LAT2: variants seen among roughly 807,000 people sequenced by gnomAD.
LAT2 encodes linker for activation of T-cells family member 2.
In LAT2, 23 loss-of-function variants were observed where a neutral mutation model predicts 43.4. The observed-to-expected ratio is 0.53, with a 90% CI of 0.38 to 0.75. The LOEUF is 0.75. Ranked by LOEUF, LAT2 falls within the 30% of genes least tolerant of loss-of-function variation. The pLI is 0.00. For synonymous variants in LAT2, 128 were observed against 123.2 expected (o/e 1.04, Z -0.26); for missense variants, 284 against 310.2 (o/e 0.92, Z 0.64).
chr7:74,228,165 TAAAAAAAAAA>T (rs34339569), intron 13 of LAT2, among the ~76,000 whole-genome samples: 495 of 22,430 alleles, frequency 0.022, 9 homozygotes, highest in African/African-American at 0.041. Flanking sequence ...AACTACGTCT[TAAAAAAAAAA>T]AAAAAAAAAA....
At chr7:74,223,417 G>C (rs1802364307) in intron 10 of LAT2, among the ~76,000 whole-genome samples, 1 of 152,160 alleles carries the variant, frequency 6.6e-6, no homozygotes, top group African/African-American at 2.4e-5. Context: ...GTTTGAGCCG[G>C]GAGTTGGAGG....
Position 74,214,802 on chromosome 7 carries a change from T to TG in LAT2, c.-218-20_-218-19insG. ...ATATATATATATATATTTTTTTTTT[T>TG]TTTTGTATTTTTTTTGTAGAGATGG... On this transcript the variant is annotated intron_variant, in intron 1 of 13. Coordinates refer to ENST00000460943, the MANE Select transcript of LAT2 (RefSeq NM_032464.3). 1 of 117,880 alleles carries TG rather than the reference T, an allele frequency of 8.5e-6. No individual in the cohort carries two copies. The highest frequency in any genetic ancestry group is 1.6e-5 in the Non-Finnish European group (1 of 60,986). 7.3% of individuals were successfully genotyped at this position (117,880 alleles called of 1,614,324 possible).
At chr7:74,224,851 G>A in intron 13 of LAT2, 91 bp downstream of exon 13, 2 of 966,310 alleles carry the variant, frequency 2.1e-6, no homozygotes, top group South Asian at 1.7e-5. Flanking sequence ...AGCCGAGAGT[G>A]TGGGTGGAGG....
At chr7:74,216,940 A>AC (rs1802068343) in intron 4 of LAT2, 76 bp downstream of exon 4, 5 of 1,295,148 alleles carry the variant, frequency 3.9e-6, no homozygotes, top group Admixed American at 3.4e-5. Context: ...AATTCCTAGC[A>AC]CCCCATCCTT....
intron 3 of LAT2, 82 bp from the exon 4 acceptor site, chr7:74,216,743 G>A (rs1802060793): frequency 8.4e-7 from 1 of 1,194,728 alleles, no homozygotes; most frequent in South Asian, 1.2e-5. Context: ...AGTCCTGCTG[G>A]AGACAAGACA....
chr7:74,211,220 G>T (rs894740084), intron 1 of LAT2, among the ~76,000 whole-genome samples: 1 of 152,172 alleles, frequency 6.6e-6, no homozygotes, highest in Non-Finnish European at 1.5e-5. Flanking sequence ...TCAGAACCTG[G>T]ATGGGAGAGT....
At chr7:74,221,510 C>T (rs1554715254) in intron 9 of LAT2, 127 bp from the exon 10 acceptor site, 9 of 559,524 alleles carry the variant, frequency 1.6e-5, no homozygotes, top group Non-Finnish European at 3.1e-6. Flanking sequence ...GAGATCCTGG[C>T]AGACCCCCAT....
chr7:74,213,781 G>C (rs190413065), intron 1 of LAT2, among the ~76,000 whole-genome samples: 226 of 152,008 alleles, frequency 1.5e-3, no homozygotes, highest in African/African-American at 5.3e-3. Context: ...CCCAGCTGTG[G>C]GATGGGGAGA....
rs1159724401 is a variant in LAT2, at chr7:74,220,368, T to C, written c.265+114T>C. 57 of 1,326,958 alleles carry C rather than the reference T, an allele frequency of 4.3e-5. No individual in the cohort carries two copies. The Admixed American group carries it at 1.1e-3, about 25-fold the overall frequency. 82.2% of individuals were successfully genotyped at this position (1,326,958 alleles called of 1,614,324 possible). On this transcript the variant is annotated intron_variant, in intron 7 of 13. Coordinates refer to ENST00000460943, the MANE Select transcript of LAT2 (RefSeq NM_032464.3). This position sits in a 1 kb window ranked among gnomAD's most constrained non-coding sequence, Gnocchi z 4.5. ...GGGGGCTGCGGGGCCAGGCGAGGCC[T>C]CCCCAGGAGAGACACACAGGCTGGG... is the stretch of plus-strand genomic sequence containing the variant.
chr7:74,224,339 G>C lies in LAT2; in HGVS notation c.628+142G>C, dbSNP rs1020777811. 1.3e-5 allele frequency: 13 copies of C among 990,510 alleles called. No individual in the cohort carries two copies. The African/African-American group carries it at 1.4e-4, about 11-fold the overall frequency. The allele number at this position is 990,510 out of a possible 1,614,324, so 61.4% of individuals were successfully genotyped here. The stretch of plus-strand genomic sequence containing the variant: ...ATGCCTGGGTGCAGGAGCAGCTGCA[G>C]AGACCTTGAACCACACAGGACGGCC... On this transcript the variant is annotated intron_variant, in intron 12 of 13. Transcript: ENST00000460943.
At chr7:74,214,247 T>C (rs1801877650) in intron 1 of LAT2, among the ~76,000 whole-genome samples, 1 of 79,648 alleles carries the variant, frequency 1.3e-5, no homozygotes, top group African/African-American at 5.0e-5. Context: ...TGAAAATATA[T>C]ATATAAATAT....
In LAT2 at chr7:74,214,081, T is replaced by C. The variant is rs868954648; in HGVS notation, c.-218-741T>C. Among the ~76,000 whole-genome samples, 5 of 126,716 alleles carry C rather than the reference T, an allele frequency of 3.9e-5. No homozygotes were observed. In the East Asian group the frequency reaches 8.3e-4, roughly 21 times the overall value. The allele number at this position is 126,716 out of a possible 152,430, so 83.1% of individuals were successfully genotyped here. A position where few individuals can be genotyped will look rare whatever the true frequency, so the allele number is the denominator to read the frequency against. On this transcript the variant is annotated intron_variant, in intron 1 of 13. Transcript: ENST00000460943. ...ATGAAAAAATATATATAAATATATA[T>C]ATATGAAAAAATATATATAAATATA...
intron 1 of LAT2, among the ~76,000 whole-genome samples, chr7:74,212,396 C>T (rs1179627698): frequency 1.3e-5 from 2 of 151,984 alleles, no homozygotes; most frequent in Non-Finnish European, 2.9e-5. Context: ...ATTCTCATGC[C>T]TCAGCCTCCC....
rs868952277 is a variant in LAT2 at position 74,220,254 on chromosome 7, G to A, written c.265G>A (p.Asp89Asn). ...GTTGCAATTCTACCCCAGCCTGGAGGGTGAGTGGCACAGGGCAGGGACAGG... is the reference window on the plus strand; with the variant it reads ...GTTGCAATTCTACCCCAGCCTGGAGAGTGAGTGGCACAGGGCAGGGACAGG... ...KLLQFYPSLE[D>N]PASSRYQNFS... Residue 89 changes from aspartate to asparagine, a missense_variant and splice_region_variant, in exon 7 of 14, where the codon GAT (aspartate) becomes AAT (asparagine). Physicochemically the swap from Asp to Asn is conservative, Grantham distance 23. Coordinates refer to ENST00000460943, the MANE Select transcript of LAT2 (RefSeq NM_032464.3). The surrounding 1 kb of genome is among the most constrained non-coding windows in gnomAD (Gnocchi z 4.5). The A allele has an allele frequency of 6.2e-7, 1 of 1,611,522 alleles. No homozygotes were observed. Among genetic ancestry groups the A allele is most frequent in the South Asian group, 1.1e-5 (1 of 90,826 alleles).
intron 4 of LAT2, among the ~76,000 whole-genome samples, chr7:74,217,700 G>A (rs1563970957): frequency 6.6e-6 from 1 of 152,176 alleles, no homozygotes; most frequent in Non-Finnish European, 1.5e-5. Flanking sequence ...GTTCGACACT[G>A]CAGACTGGGG....
In LAT2 at chr7:74,220,769, C is replaced by T; in HGVS notation, c.332+35C>T. ...CTTGATCCTGTCCCCCCTGCCTCGC[C>T]TCTCCCCCTGCCCCACCTCTCCCCC... On this transcript the variant is annotated intron_variant, in intron 9 of 13. Coordinates refer to ENST00000460943, the MANE Select transcript of LAT2 (RefSeq NM_032464.3). This position sits in a 1 kb window ranked among gnomAD's most constrained non-coding sequence, Gnocchi z 4.5. 6.8e-7 allele frequency: 1 copy of T among 1,464,680 alleles called. No individual in the cohort carries two copies. The highest frequency in any genetic ancestry group is 9.1e-7 in the Non-Finnish European group (1 of 1,099,862). 90.7% of individuals were successfully genotyped at this position (1,464,680 alleles called of 1,614,324 possible). A position where few individuals can be genotyped will look rare whatever the true frequency, so the allele number is the denominator to read the frequency against.
rs1802028644 is a variant in LAT2, at chr7:74,216,012, G to C, written c.37G>C (p.Ala13Pro). The change falls in exon 3 of 14, where the codon GCG (alanine) becomes CCG (proline). Residue 13 changes from alanine to proline, a missense_variant. Transcript: ENST00000460943. The stretch of plus-strand genomic sequence containing the variant: ...GACTGAACTGCTGTGGCCCGGAGCA[G>C]CGCTGCTGGTGCTGTTGGGGGTGGC... ...SGTELLWPGA[A>P]LLVLLGVAAS... 1 of 1,613,986 alleles carries C rather than the reference G, an allele frequency of 6.2e-7. No individual in the cohort carries two copies. Among genetic ancestry groups the C allele is most frequent in the Non-Finnish European group, 8.5e-7 (1 of 1,180,006 alleles).
rs200384312 is a variant in LAT2, at chr7:74,220,767, G to C, written c.332+33G>C. On this transcript the variant is annotated intron_variant, in intron 9 of 13. Transcript: ENST00000460943. The surrounding 1 kb of genome is among the most constrained non-coding windows in gnomAD (Gnocchi z 4.5). ...ACCTTGATCCTGTCCCCCCTGCCTC[G>C]CCTCTCCCCCTGCCCCACCTCTCCC... 19 of 1,482,932 alleles carry C rather than the reference G, an allele frequency of 1.3e-5. No homozygotes were observed. Among genetic ancestry groups the C allele is most frequent in the Admixed American group, 8.4e-5 (4 of 47,804 alleles). 91.9% of individuals were successfully genotyped at this position (1,482,932 alleles called of 1,614,324 possible).
intron 10 of LAT2, among the ~76,000 whole-genome samples, chr7:74,222,749 A>G (rs1802338239): frequency 1.3e-5 from 2 of 151,844 alleles, no homozygotes; most frequent in South Asian, 4.2e-4. Context: ...AATTTTTTGT[A>G]TTTTTAGTAG....
Sources: gnomAD v4.1 joint callset for allele counts (sites outside exome capture counted in the v4.1 genomes callset) on GRCh38, gnomAD v4.1.1 for gene constraint, Gnocchi (gnomAD v3.1) non-coding constraint, MANE v1.5 for transcripts, NCBI Gene and HGNC (gene_info 2026-07-23, HGNC 2026-07-21) for gene names.